The following SMYD3 variants were observed in gnomAD, a reference collection of about 807,000 sequenced individuals.
SMYD3 encodes SET and MYND domain containing 3.
SMYD3 carries 36 observed loss-of-function variants against 57.7 expected under a neutral mutation model. The ratio of observed to expected loss-of-function variants is 0.62; its 90% confidence interval spans 0.48 to 0.82. The LOEUF is 0.82. SMYD3 is among the 40% of genes least tolerant of loss of function. The probability of loss-of-function intolerance (pLI) is 0.00; values close to 1 mark genes in which losing one functional copy is unlikely to be tolerated. For missense variants in SMYD3, 515 were observed against 538.8 expected (o/e 0.96, Z 0.44); for synonymous variants, 211 against 195.0 (o/e 1.08, Z -0.68).
chr1:246,002,473 C>T (rs557610758), intron 5 of SMYD3, among the ~76,000 whole-genome samples: 620 of 52,422 alleles, frequency 0.012, 113 homozygotes, highest in African/African-American at 0.033. Flanking sequence ...CGCCCGCCAC[C>T]ACGCCCGGCT....
chr1:246,080,347 T>C (rs2060619160), intron 5 of SMYD3, among the ~76,000 whole-genome samples: 1 of 152,106 alleles, frequency 6.6e-6, no homozygotes, highest in African/African-American at 2.4e-5. Flanking sequence ...TCGATTCTCA[T>C]GAGGGCGTGA....
intron 5 of SMYD3, among the ~76,000 whole-genome samples, chr1:246,147,202 G>A (rs2061860514): frequency 6.6e-6 from 1 of 152,124 alleles, no homozygotes; most frequent in African/African-American, 2.4e-5. Context: ...CTAGGGGAAG[G>A]GAGGCGATCT....
intron 5 of SMYD3, among the ~76,000 whole-genome samples, chr1:246,199,349 T>C (rs372416740): frequency 2.6e-4 from 40 of 152,182 alleles, no homozygotes; most frequent in South Asian, 2.1e-4. Context: ...TTCTCTTCTA[T>C]GAATGCACTC....
intron 1 of SMYD3, among the ~76,000 whole-genome samples, chr1:246,497,796 T>G (rs914939424): frequency 6.6e-6 from 1 of 151,562 alleles, no homozygotes; most frequent in African/African-American, 2.4e-5. Context: ...AGCCCAGGAA[T>G]TCAAGGCTGC....
At chr1:246,412,763 CAGG>C (rs2066997219) in intron 1 of SMYD3, among the ~76,000 whole-genome samples, 1 of 148,650 alleles carries the variant, frequency 6.7e-6, no homozygotes. Context: ...GAGGCTGATG[CAGG>C]AGAATGGCTT....
At chr1:246,485,513 G>A (rs182667063) in intron 1 of SMYD3, among the ~76,000 whole-genome samples, 17 of 152,262 alleles carry the variant, frequency 1.1e-4, no homozygotes, top group South Asian at 6.2e-4. Flanking sequence ...CAGATGCGGC[G>A]GCTCACACTT....
chr1:245,886,869 C>G (rs1226170365), intron 8 of SMYD3, among the ~76,000 whole-genome samples: 1 of 152,102 alleles, frequency 6.6e-6, no homozygotes, highest in African/African-American at 2.4e-5. Context: ...AAATGCAAAC[C>G]CTCTGCCCAG....
At position 246,170,176 on chromosome 1, in the gene SMYD3, A is replaced by G. The variant is rs557413402; in HGVS notation, c.531+157025T>C. ...CCTCACTATCAAAAACAATAATTAA[A>G]TAATATATTTTTCATTAACCTAAAA... On this transcript the variant is annotated intron_variant, in intron 5 of 11. Coordinates refer to ENST00000490107, the MANE Select transcript of SMYD3 (RefSeq NM_001167740.2). 1.9e-4 allele frequency among the ~76,000 whole-genome samples: 29 copies of G among 152,268 alleles called. No individual in the cohort carries two copies. In the South Asian group the frequency reaches 6.0e-3, roughly 32 times the overall value.
chr1:246,156,082 G>T (rs2062019972), intron 5 of SMYD3, among the ~76,000 whole-genome samples: 1 of 151,466 alleles, frequency 6.6e-6, no homozygotes, highest in Non-Finnish European at 1.5e-5. Context: ...TAATGTTAAG[G>T]TCTGGAAGTT....
chr1:246,461,123 C>T (rs1232439709), intron 1 of SMYD3, among the ~76,000 whole-genome samples: 1 of 152,192 alleles, frequency 6.6e-6, no homozygotes, highest in Non-Finnish European at 1.5e-5. Context: ...TGTAGCAATA[C>T]ATCAAATAAG....
intron 5 of SMYD3, among the ~76,000 whole-genome samples, chr1:246,206,461 T>C (rs567773076): frequency 6.6e-6 from 1 of 152,148 alleles, no homozygotes; most frequent in East Asian, 1.9e-4. Context: ...GAAATAGAGT[T>C]AGGGTCATAT....
intron 5 of SMYD3, among the ~76,000 whole-genome samples, chr1:246,246,752 T>C (rs1361408): frequency 6.6e-6 from 1 of 151,164 alleles, no homozygotes; most frequent in Non-Finnish European, 1.5e-5. Flanking sequence ...CTGAGCCACA[T>C]AGAAGATGCC....
At chr1:246,425,725 A>G (rs1013011425) in intron 1 of SMYD3, among the ~76,000 whole-genome samples, 1 of 152,102 alleles carries the variant, frequency 6.6e-6, no homozygotes, top group African/African-American at 2.4e-5. Context: ...TGTCTTACTT[A>G]CTCAGCTCTT....
intron 5 of SMYD3, among the ~76,000 whole-genome samples, chr1:246,240,958 C>T (rs1360228439): frequency 6.6e-6 from 1 of 152,048 alleles, no homozygotes; most frequent in Non-Finnish European, 1.5e-5. Context: ...TGAGACTTTG[C>T]TGAAGTTGCT....
chr1:246,045,466 T>G (rs554988458), intron 5 of SMYD3, among the ~76,000 whole-genome samples: 24 of 152,224 alleles, frequency 1.6e-4, no homozygotes. Context: ...CCTTACACTT[T>G]ATACAAAAAT....
At chr1:246,431,195 T>C (rs1022746567) in intron 1 of SMYD3, among the ~76,000 whole-genome samples, 1 of 152,192 alleles carries the variant, frequency 6.6e-6, no homozygotes, top group Admixed American at 6.5e-5. Context: ...CTGGATCCAA[T>C]ACAAAAATAT....
chr1:246,201,002 T>C (rs1367337841), intron 5 of SMYD3, among the ~76,000 whole-genome samples: 1 of 152,250 alleles, frequency 6.6e-6, no homozygotes, highest in Non-Finnish European at 1.5e-5. Flanking sequence ...CGAGGATTTC[T>C]TGCCCCCATA....
At chr1:246,284,499 C>T (rs2064517339) in intron 5 of SMYD3, among the ~76,000 whole-genome samples, 1 of 151,560 alleles carries the variant, frequency 6.6e-6, no homozygotes, top group Non-Finnish European at 1.5e-5. Context: ...TCACTGCAAG[C>T]TCCGCCTCCT....
intron 5 of SMYD3, among the ~76,000 whole-genome samples, chr1:246,227,009 AATT>A (rs139223327): frequency 0.053 from 8,047 of 152,252 alleles, 275 homozygotes; most frequent in Middle Eastern, 0.16. Context: ...TAATATTGAT[AATT>A]AATCTTTAAT....
Sources: gnomAD v4.1 joint callset for allele counts (sites outside exome capture counted in the v4.1 genomes callset) on GRCh38, gnomAD v4.1.1 for gene constraint, MANE v1.5 for transcripts, NCBI Gene and HGNC (gene_info 2026-07-23, HGNC 2026-07-21) for gene names.